Variants in IFTAP observed in about 807,000 individuals in gnomAD.
The protein encoded by IFTAP is intraflagellar transport-associated protein.
IFTAP carries 19 observed loss-of-function variants against 19.4 expected under a neutral mutation model. The observed-to-expected ratio is 0.98, with a 90% CI of 0.68 to 1.44. IFTAP has a LOEUF of 1.44. IFTAP is among the 40% of genes most tolerant of loss of function. The probability of loss-of-function intolerance (pLI) is 0.00; values close to 1 mark genes in which losing one functional copy is unlikely to be tolerated. For synonymous variants in IFTAP, 85 were observed against 83.5 expected, an observed-to-expected ratio of 1.02 and a Z score of -0.10; for missense variants, 240 against 253.6, an observed-to-expected ratio of 0.95 and a Z score of 0.36.
chr11:36,615,059 C>T (rs1305959090), intron 2 of IFTAP, among the ~76,000 whole-genome samples: 4 of 128,696 alleles, frequency 3.1e-5, no homozygotes, highest in African/African-American at 9.6e-5. Flanking sequence ...TTAGGTCTAA[C>T]GTTTAAGTCT....
At chr11:36,644,958 C>G (rs1853417707) in intron 4 of IFTAP, among the ~76,000 whole-genome samples, 1 of 151,648 alleles carries the variant, frequency 6.6e-6, no homozygotes. Flanking sequence ...TGTAACAAAC[C>G]TGCACGTTGT....
In IFTAP at chr11:36,632,477, A is replaced by C. The variant is rs184587968; in HGVS notation, c.137-807A>C. On this transcript the variant is annotated intron_variant, in intron 2 of 5. Coordinates refer to ENST00000334307, the MANE Select transcript of IFTAP (RefSeq NM_138787.4). ...GAATTCATTCATTATCTTTTATCAA[A>C]ATTATTTCATTTTATTTCCCCCACA... Among the ~76,000 whole-genome samples the C allele has an allele frequency of 1.1e-3, 164 of 151,122 alleles. 1 individual carries two copies. Among genetic ancestry groups the C allele is most frequent in the Non-Finnish European group, 1.8e-3 (120 of 67,982 alleles).
intron 2 of IFTAP, among the ~76,000 whole-genome samples, chr11:36,620,886 A>C (rs1852264195): frequency 6.6e-6 from 1 of 151,872 alleles, no homozygotes; most frequent in African/African-American, 2.4e-5. Flanking sequence ...ACTTGAAAAG[A>C]TACACATCTT....
In IFTAP at chr11:36,636,102, C is replaced by T. The variant is rs1852938985; in HGVS notation, c.343C>T (p.Pro115Ser). 4 of 1,607,416 alleles carry T rather than the reference C, an allele frequency of 2.5e-6. No individual in the cohort carries two copies. The highest frequency in any genetic ancestry group is 3.4e-6 in the Non-Finnish European group (4 of 1,174,162). ...EDLDMDEEIK[P>S]QMSEDLLLLP... is the part of the protein sequence containing the mutation. ...TTTGGACATGGATGAAGAGATTAAA[C>T]CCCAAATGAGTGAGGGTATGCTTTC... Residue 115 changes from proline (P) to serine (S), a missense_variant, in exon 4 of 6, where the codon CCC (proline) becomes TCC (serine). Physicochemically the swap from Pro to Ser is moderately conservative, Grantham distance 74. Transcript: ENST00000334307.
intron 5 of IFTAP, among the ~76,000 whole-genome samples, chr11:36,652,749 G>A (rs761152543): frequency 2.0e-5 from 3 of 152,142 alleles, no homozygotes; most frequent in African/African-American, 7.2e-5. Context: ...TGTATTGAGA[G>A]TTTTTAGCAT....
Position 36,609,493 on chromosome 11 carries a change from G to T in IFTAP, c.-23-588G>T, listed in dbSNP as rs562126104. ...AGTCCCTGGATGTGTTGATGCAAAG[G>T]CAAGTCAACTGTTTGTCAGTGATAG... is the stretch of plus-strand genomic sequence containing the variant. On this transcript the variant is annotated intron_variant, in intron 1 of 5. Coordinates refer to ENST00000334307, the MANE Select transcript of IFTAP (RefSeq NM_138787.4). Among the ~76,000 whole-genome samples, 3 of 152,262 alleles carry T rather than the reference G, an allele frequency of 2.0e-5. No individual in the cohort carries two copies. The South Asian group carries it at 6.2e-4, about 32-fold the overall frequency.
At chr11:36,638,292 GATTT>G (rs1315425086) in intron 4 of IFTAP, among the ~76,000 whole-genome samples, 1 of 151,846 alleles carries the variant, frequency 6.6e-6, no homozygotes, top group Non-Finnish European at 1.5e-5. Flanking sequence ...TCAATTACCA[GATTT>G]ATTTTAAAAT....
intron 1 of IFTAP, among the ~76,000 whole-genome samples, chr11:36,601,307 T>G (rs925680634): frequency 6.6e-6 from 1 of 152,182 alleles, no homozygotes; most frequent in African/African-American, 2.4e-5. Flanking sequence ...GAGCCACAAC[T>G]GAAACTGACA....
chr11:36,627,952 T>C (rs1852578934), intron 2 of IFTAP, among the ~76,000 whole-genome samples: 1 of 151,160 alleles, frequency 6.6e-6, no homozygotes, highest in Non-Finnish European at 1.5e-5. Flanking sequence ...ACATAACCAG[T>C]TGGAGATAGT....
At chr11:36,654,779 C>T (rs1007488957) in intron 5 of IFTAP, among the ~76,000 whole-genome samples, 6 of 151,998 alleles carry the variant, frequency 3.9e-5, no homozygotes, top group African/African-American at 1.4e-4. Context: ...AGTCACTTAT[C>T]GAGTGCTGCC....
Position 36,658,945 on chromosome 11 carries a change from G to A in IFTAP, c.499-74G>A, listed in dbSNP as rs1854106555. 3.7e-6 allele frequency: 4 copies of A among 1,081,146 alleles called. No homozygotes were observed. The South Asian group carries it at 8.2e-5, about 22-fold the overall frequency. The allele number at this position is 1,081,146 out of a possible 1,614,324, so 67.0% of individuals were successfully genotyped here. A position where few individuals can be genotyped will look rare whatever the true frequency, so the allele number is the denominator to read the frequency against. On this transcript the variant is annotated intron_variant, in intron 5 of 5. Transcript: ENST00000334307. Reference sequence around the variant, plus strand: ...AAAAGGTTTAATTAAATATTAATAGGGAGTTAATTTTTCAACTTTATCTTC... The same window carrying A: ...AAAAGGTTTAATTAAATATTAATAGAGAGTTAATTTTTCAACTTTATCTTC...
chr11:36,621,866 G>A (rs1241761084), intron 2 of IFTAP, among the ~76,000 whole-genome samples: 1 of 151,926 alleles, frequency 6.6e-6, no homozygotes, highest in Non-Finnish European at 1.5e-5. Context: ...CAATCTATAT[G>A]TTTATAGATT....
At chr11:36,615,909 C>T (rs1229354970) in intron 2 of IFTAP, among the ~76,000 whole-genome samples, 1 of 151,980 alleles carries the variant, frequency 6.6e-6, no homozygotes, top group Non-Finnish European at 1.5e-5. Flanking sequence ...TACTTCTAAA[C>T]TGCTGAAAGA....
chr11:36,620,587 T>C (rs2133410226), intron 2 of IFTAP, among the ~76,000 whole-genome samples: 1 of 152,166 alleles, frequency 6.6e-6, no homozygotes, highest in East Asian at 1.9e-4. Flanking sequence ...TCATATTCAT[T>C]TCAACATGAA....
intron 3 of IFTAP, 51 bp downstream of exon 3, chr11:36,633,489 C>A (rs375563958): frequency 2.8e-4 from 372 of 1,344,746 alleles, no homozygotes; most frequent in Non-Finnish European, 3.3e-4. Context: ...GAAAAGAATT[C>A]TTCATGAATC....
intron 2 of IFTAP, among the ~76,000 whole-genome samples, chr11:36,611,519 T>C (rs1454346242): frequency 6.6e-6 from 1 of 152,068 alleles, no homozygotes; most frequent in Non-Finnish European, 1.5e-5. Flanking sequence ...CCCAAAGAAA[T>C]GTAAAACAAG....
chr11:36,644,136 T>C (rs937159156), intron 4 of IFTAP, among the ~76,000 whole-genome samples: 3 of 151,976 alleles, frequency 2.0e-5, no homozygotes, highest in Non-Finnish European at 4.4e-5. Flanking sequence ...TATAAATAAC[T>C]CAAACAAGTT....
intron 5 of IFTAP, 159 bp downstream of exon 5, chr11:36,648,314 C>T (rs2133516330): frequency 1.2e-6 from 1 of 851,158 alleles, no homozygotes; most frequent in East Asian, 2.7e-5. Context: ...ATCTCAAATG[C>T]ATACATTTCT....
chr11:36,643,269 AC>A (rs1467578140), intron 4 of IFTAP, among the ~76,000 whole-genome samples: 18 of 152,230 alleles, frequency 1.2e-4, no homozygotes, highest in Admixed American at 1.1e-3. Context: ...AGAATAAAAT[AC>A]CTAGGAATCC....
Sources: gnomAD v4.1 joint callset for allele counts (sites outside exome capture counted in the v4.1 genomes callset) on GRCh38, gnomAD v4.1.1 for gene constraint, MANE v1.5 for transcripts, NCBI Gene and HGNC (gene_info 2026-07-23, HGNC 2026-07-21) for gene names.